Variants in CNR1 observed in about 807,000 individuals in gnomAD.
CNR1 encodes the protein cannabinoid receptor 1, also known as cannabinoid receptor 1 (brain).
Under a neutral mutation model 23.0 loss-of-function variants are expected in CNR1, and 10 were observed. That is an observed-to-expected ratio of 0.43 (90% CI 0.27 to 0.74). CNR1 has a LOEUF of 0.74. Among genes scored for constraint, CNR1 ranks in the 30% least tolerant of loss-of-function variants. CNR1 has a pLI of 0.19. For synonymous variants in CNR1, 271 were observed against 255.2 expected (o/e 1.06, Z -0.59); for missense variants, 422 against 618.8 (o/e 0.68, Z 3.37).
At chr6:88,155,737 T>C (rs1777757531) in intron 1 of CNR1, among the ~76,000 whole-genome samples, 1 of 152,228 alleles carries the variant, frequency 6.6e-6, no homozygotes, top group Non-Finnish European at 1.5e-5. Context: ...CAATTAACTA[T>C]AAGGTATAAA....
chr6:88,148,547 C>T (rs565827002), intron 1 of CNR1, among the ~76,000 whole-genome samples: 1 of 151,560 alleles, frequency 6.6e-6, no homozygotes, highest in African/African-American at 2.4e-5. Flanking sequence ...TCTCCCAATG[C>T]TGATTAAAAA....
intron 1 of CNR1, among the ~76,000 whole-genome samples, chr6:88,147,020 CAGT>C (rs1466862924): frequency 4.6e-5 from 7 of 152,172 alleles, no homozygotes; most frequent in Admixed American, 1.3e-4. Context: ...TGGCCGGGCA[CAGT>C]AGTTCATGCC....
chr6:88,150,937 C>T (rs984332791), intron 1 of CNR1, among the ~76,000 whole-genome samples: 1 of 152,206 alleles, frequency 6.6e-6, no homozygotes, highest in African/African-American at 2.4e-5. Context: ...TCTTTCTAGT[C>T]ACCTAAGTTC....
chr6:88,159,608 G>C (rs935077481), intron 1 of CNR1, among the ~76,000 whole-genome samples: 1 of 152,134 alleles, frequency 6.6e-6, no homozygotes, highest in African/African-American at 2.4e-5. Flanking sequence ...TAAGACATTA[G>C]ATCTCATTTC....
At chr6:88,149,703 T>C (rs1050263664) in intron 1 of CNR1, among the ~76,000 whole-genome samples, 1 of 152,240 alleles carries the variant, frequency 6.6e-6, no homozygotes, top group Non-Finnish European at 1.5e-5. Flanking sequence ...AGAAGCTCTC[T>C]GCCTACTAAA....
intron 1 of CNR1, among the ~76,000 whole-genome samples, chr6:88,160,819 C>T (rs1778063615): frequency 6.6e-6 from 1 of 152,164 alleles, no homozygotes. Context: ...ATTTTCAGGA[C>T]TCATATTGAT....
rs539485363 is a variant in CNR1, at chr6:88,144,780, C to A, written c.495G>T (p.Leu165=). The part of the protein sequence containing the change: ...FIGSLAVADL[L]GSVIFVYSFI... ...AGCTGTAGACAAAAATGACACTCCC[C>A]AGGAGGTCTGCCACCGCCAGGCTGC... Residue 165 remains leucine, a synonymous_variant, in exon 2 of 2, where the codon CTG becomes CTT. Transcript: ENST00000369501. This position sits in a 1 kb window ranked among gnomAD's most constrained non-coding sequence, Gnocchi z 7.8. 7.4e-6 allele frequency: 12 copies of A among 1,614,136 alleles called. No homozygotes were observed. In the South Asian group the frequency reaches 1.3e-4, roughly 18 times the overall value.
rs780608074 is a variant in CNR1 at position 88,144,842 on chromosome 6, G to T, written c.433C>A (p.Arg145Ser). 2.5e-6 allele frequency: 4 copies of T among 1,614,034 alleles called. No individual in the cohort carries two copies. The highest frequency in any genetic ancestry group is 3.4e-6 in the Non-Finnish European group (4 of 1,180,012). ...TAGGAAGGCCTGCAGCGGAGGCTGCGGGAGTGGAGGATGACGCACAGCACC... is the reference window on the plus strand; with the variant it reads ...TAGGAAGGCCTGCAGCGGAGGCTGCTGGAGTGGAGGATGACGCACAGCACC... Reference protein sequence around the residue: ...LLVLCVILHSRSLRCRPSYHF... With the variant: ...LLVLCVILHSSSLRCRPSYHF... The change falls in exon 2 of 2, where the codon CGC becomes AGC. Residue 145 changes from arginine to serine, a missense_variant. Physicochemically the swap from Arg to Ser is moderately radical, Grantham distance 110. This residue lies in a region of CNR1 where 211 missense variants were observed against 357.3 expected (regional missense o/e 0.59). Transcript: ENST00000369501. The surrounding 1 kb of genome is among the most constrained non-coding windows in gnomAD (Gnocchi z 7.8).
intron 1 of CNR1, among the ~76,000 whole-genome samples, chr6:88,152,205 A>G (rs1381032267): frequency 7.0e-4 from 92 of 131,586 alleles, no homozygotes; most frequent in African/African-American, 2.7e-3. Context: ...ACAGAGCGAG[A>G]CTCCGTCTCA....
At chr6:88,161,882 A>T (rs1373907812) in intron 1 of CNR1, among the ~76,000 whole-genome samples, 1 of 152,206 alleles carries the variant, frequency 6.6e-6, no homozygotes, top group Non-Finnish European at 1.5e-5. Context: ...GTTATATATA[A>T]AAACTATAAC....
At chr6:88,152,606 T>C (rs531233050) in intron 1 of CNR1, among the ~76,000 whole-genome samples, 123 of 152,346 alleles carry the variant, frequency 8.1e-4, no homozygotes, top group Non-Finnish European at 7.9e-4. Flanking sequence ...TATAAGCCAA[T>C]TGAATTAAAG....
Position 88,160,393 on chromosome 6 carries a change from A to G in CNR1, c.-64+5410T>C, listed in dbSNP as rs181630997. ...ACCTAGTACAAACGTCCATATAAGT[A>G]GAAATTTATTTAAAACAAACTTAAA... On this transcript the variant is annotated intron_variant, in intron 1 of 1. Transcript: ENST00000369501. Among the ~76,000 whole-genome samples the G allele has an allele frequency of 4.6e-3, 696 of 152,020 alleles. 3 individuals are homozygous for G. Among genetic ancestry groups the G allele is most frequent in the African/African-American group, 0.016 (670 of 41,498 alleles).
In CNR1 at chr6:88,151,510, T is replaced by C. The variant is rs181641668; in HGVS notation, c.-63-6173A>G. On this transcript the variant is annotated intron_variant, in intron 1 of 1. Transcript: ENST00000369501. ...AAAATGGGGATGAGGATGATGACAA[T>C]AATGCCTAAATCGCAGAACTGATCT... 1.3e-3 allele frequency among the ~76,000 whole-genome samples: 204 copies of C among 152,264 alleles called. 2 individuals carry two copies. Among genetic ancestry groups the C allele is most frequent in the Non-Finnish European group, 1.0e-3 (71 of 68,010 alleles).
intron 1 of CNR1, among the ~76,000 whole-genome samples, chr6:88,158,892 AT>A (rs956246234): frequency 6.6e-6 from 1 of 152,230 alleles, no homozygotes; most frequent in Non-Finnish European, 1.5e-5. Context: ...GAATAATGTC[AT>A]TTAGCCAGAA....
chr6:88,152,216 A>G (rs1184952371), intron 1 of CNR1, among the ~76,000 whole-genome samples: 4 of 79,490 alleles, frequency 5.0e-5, no homozygotes, highest in Non-Finnish European at 9.1e-5. Context: ...CTCCGTCTCA[A>G]AAAAAAAAAA....
rs1175336799 is a variant in CNR1, at chr6:88,142,488, T to G, written c.*1368A>C. ...GGCAATAACACTACAAATACATCCC[T>G]TCCTTGGATGCCTGTCATTATTTTT... On this transcript the variant is annotated 3_prime_UTR_variant, in exon 2 of 2. Coordinates refer to ENST00000369501, the MANE Select transcript of CNR1 (RefSeq NM_016083.6). The G allele has an allele frequency of 6.6e-6, 1 of 152,374 alleles. No homozygotes were observed. Among genetic ancestry groups the G allele is most frequent in the Non-Finnish European group, 1.5e-5 (1 of 68,032 alleles). The allele number at this position is 152,374 out of a possible 1,614,324, so 9.4% of individuals were successfully genotyped here.
intron 1 of CNR1, among the ~76,000 whole-genome samples, chr6:88,155,598 A>C (rs1377901476): frequency 6.6e-6 from 1 of 152,200 alleles, no homozygotes; most frequent in East Asian, 1.9e-4. Flanking sequence ...GGTTTGGGAG[A>C]AGGTACACGT....
chr6:88,144,354 G>A lies in CNR1; in HGVS notation c.921C>T (p.Arg307=), dbSNP rs1777020117. 1 of 1,613,652 alleles carries A rather than the reference G, an allele frequency of 6.2e-7. No individual in the cohort carries two copies. Among genetic ancestry groups the A allele is most frequent in the Non-Finnish European group, 8.5e-7 (1 of 1,180,024 alleles). Reference sequence around the variant, plus strand: ...TCTTCTGGGTGCCACGCTGAATCATGCGGACGGCGTGGCTGTGAGCCTTCC... The same window carrying A: ...TCTTCTGGGTGCCACGCTGAATCATACGGACGGCGTGGCTGTGAGCCTTCC... ...ILWKAHSHAV[R]MIQRGTQKSI... is the part of the protein sequence containing the mutation. The change falls in exon 2 of 2, where the codon CGC becomes CGT. Residue 307 remains arginine, a synonymous_variant. Coordinates refer to ENST00000369501, the MANE Select transcript of CNR1 (RefSeq NM_016083.6). This position sits in a 1 kb window ranked among gnomAD's most constrained non-coding sequence, Gnocchi z 7.8.
chr6:88,140,980 A>AAG lies in CNR1; in HGVS notation c.*2875_*2876insCT, dbSNP rs1776780716. 1 of 152,160 alleles carries AAG rather than the reference A, an allele frequency of 6.6e-6. No individual in the cohort carries two copies. Among genetic ancestry groups the AAG allele is most frequent in the Non-Finnish European group, 1.5e-5 (1 of 67,980 alleles). 9.4% of individuals were successfully genotyped at this position (152,160 alleles called of 1,614,324 possible). On this transcript the variant is annotated 3_prime_UTR_variant, in exon 2 of 2. Coordinates refer to ENST00000369501, the MANE Select transcript of CNR1 (RefSeq NM_016083.6). ...GATTCATCATGACTCTGATAAAAAA[A>AAG]AAATGAGCAGGTTGGGAATTTGGCC...
Sources: allele counts gnomAD v4.1 joint callset (sites outside exome capture counted in the v4.1 genomes callset), GRCh38; gene constraint gnomAD v4.1.1; regional missense constraint gnomAD v4.1.1; non-coding constraint Gnocchi (gnomAD v3.1); transcripts MANE v1.5; gene names NCBI Gene and HGNC (gene_info 2026-07-23, HGNC 2026-07-21).